The following CTNNA3 variants were observed in gnomAD, a reference collection of about 807,000 sequenced individuals.
CTNNA3 encodes catenin alpha 3.
CTNNA3 carries 76 observed loss-of-function variants against 95.7 expected under a neutral mutation model. The ratio of observed to expected loss-of-function variants is 0.79; its 90% CI spans 0.66 to 0.96. The LOEUF is 0.96. CTNNA3 is among the 40% of genes least tolerant of loss of function. CTNNA3 has a pLI of 0.00. For synonymous variants in CTNNA3, 431 were observed against 374.4 expected (o/e 1.15, Z -1.74); for missense variants, 1,191 against 1,089.8 (o/e 1.09, Z -1.31).
At chr10:67,733,741 C>G (rs570818636) in intron 1 of CTNNA3, among the ~76,000 whole-genome samples, 37 of 152,286 alleles carry the variant, frequency 2.4e-4, no homozygotes, top group African/African-American at 8.7e-4. Context: ...GCCAGGTATT[C>G]TAGAAAACAC....
At chr10:67,465,650 T>A (rs1442900911) in intron 5 of CTNNA3, among the ~76,000 whole-genome samples, 3 of 152,182 alleles carry the variant, frequency 2.0e-5, no homozygotes, top group African/African-American at 7.2e-5. Context: ...GCTATGGTTA[T>A]AACTCACATG....
At chr10:65,925,908 T>C (rs1377889531) in intron 17 of CTNNA3, among the ~76,000 whole-genome samples, 1 of 151,926 alleles carries the variant, frequency 6.6e-6, no homozygotes, top group Non-Finnish European at 1.5e-5. Context: ...ATTCCTTTCA[T>C]ATAAATGCTT....
rs183466755 is a variant in CTNNA3 at position 67,364,846 on chromosome 10, A to G, written c.580-144976T>C. Among the ~76,000 whole-genome samples the G allele has an allele frequency of 2.7e-3, 412 of 152,304 alleles. 4 individuals carry two copies. Among genetic ancestry groups the G allele is most frequent in the African/African-American group, 9.5e-3 (394 of 41,548 alleles). On this transcript the variant is annotated intron_variant, in intron 5 of 17. Coordinates refer to ENST00000433211, the MANE Select transcript of CTNNA3 (RefSeq NM_013266.4). ...TGCCATACCCATCAAGCTACCACTG[A>G]CTTTCTTCATAGAATTGGAAAAACC...
At chr10:67,233,900 T>G (rs1865336630) in intron 5 of CTNNA3, among the ~76,000 whole-genome samples, 1 of 152,132 alleles carries the variant, frequency 6.6e-6, no homozygotes, top group Non-Finnish European at 1.5e-5. Context: ...GCTAATAAAC[T>G]AGAAAATCTA....
chr10:67,558,803 C>T lies in CTNNA3; in HGVS notation c.293-19134G>A, dbSNP rs1046872975. Among the ~76,000 whole-genome samples, 12 of 152,206 alleles carry T rather than the reference C, an allele frequency of 7.9e-5. No individual in the cohort carries two copies. In the South Asian group the frequency reaches 1.2e-3, roughly 16 times the overall value. On this transcript the variant is annotated intron_variant, in intron 3 of 17. Coordinates refer to ENST00000433211, the MANE Select transcript of CTNNA3 (RefSeq NM_013266.4). ...CCACCCTAATACTGCGCTTTTCCAA[C>T]GGGCTTAAAAAATGGCACGCCAGGA...
At chr10:66,880,677 G>A (rs149869864) in intron 7 of CTNNA3, among the ~76,000 whole-genome samples, 66 of 152,134 alleles carry the variant, frequency 4.3e-4, no homozygotes, top group African/African-American at 1.6e-3. Flanking sequence ...TGAAAGCAAT[G>A]ACACTTTTTT....
chr10:67,671,620 T>C (rs1366962374), intron 1 of CTNNA3, among the ~76,000 whole-genome samples: 3 of 151,724 alleles, frequency 2.0e-5, no homozygotes, highest in Non-Finnish European at 4.4e-5. Context: ...TTTGGTTTTT[T>C]GTCCTTGCGA....
chr10:66,753,704 A>C (rs1393793011), intron 9 of CTNNA3, among the ~76,000 whole-genome samples: 3 of 151,632 alleles, frequency 2.0e-5, no homozygotes, highest in Admixed American at 6.6e-5. Flanking sequence ...CACACACACA[A>C]ATAACAAATT....
intron 9 of CTNNA3, among the ~76,000 whole-genome samples, chr10:66,729,697 G>T (rs1192893517): frequency 6.6e-6 from 1 of 152,184 alleles, no homozygotes; most frequent in Non-Finnish European, 1.5e-5. Flanking sequence ...AGTGTATATT[G>T]CTTGGGTGAT....
chr10:67,566,072 T>TATATATATATATATATATATATATACAC (rs1265158791), intron 3 of CTNNA3, among the ~76,000 whole-genome samples: 1 of 102,150 alleles, frequency 9.8e-6, no homozygotes, highest in Non-Finnish European at 2.0e-5. Flanking sequence ...TATATATATA[T>TATATATATATATATATATATATATACAC]ACAAAACCTA....
intron 13 of CTNNA3, among the ~76,000 whole-genome samples, chr10:66,265,914 T>G (rs1349810461): frequency 6.6e-6 from 1 of 152,048 alleles, no homozygotes; most frequent in African/African-American, 2.4e-5. Context: ...ATCTGTCTTA[T>G]CTATCTCCAT....
intron 12 of CTNNA3, among the ~76,000 whole-genome samples, chr10:66,305,152 C>G (rs2091915422): frequency 1.3e-5 from 2 of 152,096 alleles, no homozygotes. Flanking sequence ...CCAAGAATCT[C>G]TTCTGAAATG....
intron 11 of CTNNA3, among the ~76,000 whole-genome samples, chr10:66,445,675 T>G (rs927964061): frequency 2.5e-4 from 37 of 150,388 alleles, no homozygotes; most frequent in African/African-American, 8.6e-4. Flanking sequence ...TTCAAAGCAG[T>G]GTGTAGAGGA....
At chr10:65,951,368 A>C (rs765084916) in intron 17 of CTNNA3, among the ~76,000 whole-genome samples, 1 of 152,100 alleles carries the variant, frequency 6.6e-6, no homozygotes, top group Non-Finnish European at 1.5e-5. Flanking sequence ...ACCCAAAGAG[A>C]TTAATGTCTA....
At chr10:67,141,206 T>C (rs1209330377) in intron 7 of CTNNA3, among the ~76,000 whole-genome samples, 1 of 152,184 alleles carries the variant, frequency 6.6e-6, no homozygotes, top group Non-Finnish European at 1.5e-5. Flanking sequence ...TATCCAGCTC[T>C]ATATATTACC....
intron 12 of CTNNA3, among the ~76,000 whole-genome samples, chr10:66,299,044 C>T (rs941005113): frequency 1.3e-5 from 2 of 152,114 alleles, no homozygotes; most frequent in African/African-American, 4.8e-5. Context: ...AGAATGCAAC[C>T]ATCTGTCTCT....
intron 16 of CTNNA3, among the ~76,000 whole-genome samples, chr10:65,986,660 A>G (rs899437501): frequency 1.3e-5 from 2 of 151,598 alleles, no homozygotes; most frequent in African/African-American, 4.8e-5. Context: ...ATTCAGTGTA[A>G]CCCATAGAAA....
intron 15 of CTNNA3, among the ~76,000 whole-genome samples, chr10:66,068,796 C>G (rs980178894): frequency 6.6e-6 from 1 of 152,156 alleles, no homozygotes; most frequent in African/African-American, 2.4e-5. Context: ...CAATAACAAA[C>G]ATTTTTATTA....
At chr10:66,547,054 C>A (rs1310183527) in intron 10 of CTNNA3, among the ~76,000 whole-genome samples, 8 of 152,160 alleles carry the variant, frequency 5.3e-5, no homozygotes, top group Non-Finnish European at 8.8e-5. Flanking sequence ...TACTTGATTT[C>A]TTCTAATTCT....
Sources: allele counts gnomAD v4.1 joint callset (sites outside exome capture counted in the v4.1 genomes callset), GRCh38; gene constraint gnomAD v4.1.1; transcripts MANE v1.5; gene names NCBI Gene and HGNC (gene_info 2026-07-23, HGNC 2026-07-21).